The following SMARCAD1 variants were observed in gnomAD, a reference collection of about 807,000 sequenced individuals.
The protein encoded by SMARCAD1 is SNF2 related chromatin remodeling ATPase with DExD box 1.
In SMARCAD1, 25 loss-of-function variants were observed where a neutral mutation model predicts 127.1. That is an observed-to-expected ratio of 0.20 (90% CI 0.14 to 0.27). The LOEUF is 0.27. Among genes scored for constraint, SMARCAD1 ranks in the 10% least tolerant of loss-of-function variants. The pLI, the probability that SMARCAD1 is intolerant of heterozygous loss-of-function variation, is 1.00. For missense variants in SMARCAD1, 807 were observed against 1,206.0 expected (o/e 0.67, Z 4.90); for synonymous variants, 400 against 396.9 (o/e 1.01, Z -0.09).
At chr4:94,254,463 A>G (rs925651761) in intron 9 of SMARCAD1, among the ~76,000 whole-genome samples, 1 of 152,156 alleles carries the variant, frequency 6.6e-6, no homozygotes, top group Non-Finnish European at 1.5e-5. Flanking sequence ...AGTAAAAGTA[A>G]ATTATACAAT....
In SMARCAD1 at chr4:94,290,219, T is replaced by C; in HGVS notation, c.*685T>C. 1 of 454,496 alleles carries C rather than the reference T, an allele frequency of 2.2e-6. No individual in the cohort carries two copies. The highest frequency in any genetic ancestry group is 4.4e-6 in the Non-Finnish European group (1 of 226,762). The allele number at this position is 454,496 out of a possible 1,614,324, so 28.2% of individuals were successfully genotyped here. Reference sequence around the variant, plus strand: ...GCCCCTACCTTGCTCCATGGATTAATTCCTTCTGTTCATTTTCCAACTGCA... The same window carrying C: ...GCCCCTACCTTGCTCCATGGATTAACTCCTTCTGTTCATTTTCCAACTGCA... On this transcript the variant is annotated 3_prime_UTR_variant, in exon 24 of 24. Coordinates refer to ENST00000354268, the MANE Select transcript of SMARCAD1 (RefSeq NM_020159.5).
intron 14 of SMARCAD1, among the ~76,000 whole-genome samples, chr4:94,275,950 AC>A (rs1293374143): frequency 6.6e-6 from 1 of 151,326 alleles, no homozygotes; most frequent in Non-Finnish European, 1.5e-5. Context: ...GGCGCCCACC[AC>A]CACACCCGGC....
intron 10 of SMARCAD1, among the ~76,000 whole-genome samples, chr4:94,267,030 A>T (rs1169230919): frequency 6.6e-6 from 1 of 152,036 alleles, no homozygotes; most frequent in African/African-American, 2.4e-5. Context: ...CTTACTATAG[A>T]TGTAGCCATC....
At chr4:94,264,320 T>G (rs3113839) in intron 9 of SMARCAD1, among the ~76,000 whole-genome samples, 1 of 151,926 alleles carries the variant, frequency 6.6e-6, no homozygotes, top group African/African-American at 2.4e-5. Flanking sequence ...TTGATACTAT[T>G]ACCTTTGGTA....
At chr4:94,215,632 T>C (rs905745129) in intron 2 of SMARCAD1, among the ~76,000 whole-genome samples, 1 of 35,692 alleles carries the variant, frequency 2.8e-5, no homozygotes, top group Admixed American at 3.0e-4. Context: ...AAAAGGGGGG[T>C]GGGGGGGAGG....
chr4:94,272,298 G>C (rs564539237), intron 11 of SMARCAD1, among the ~76,000 whole-genome samples: 1 of 152,304 alleles, frequency 6.6e-6, no homozygotes, highest in South Asian at 2.1e-4. Context: ...GTGGGAAGGA[G>C]GTGGACACAA....
chr4:94,269,561 AT>A (rs1446139652), intron 10 of SMARCAD1, among the ~76,000 whole-genome samples: 1 of 151,974 alleles, frequency 6.6e-6, no homozygotes, highest in African/African-American at 2.4e-5. Context: ...AAAGGGTTAA[AT>A]GAGGTGATGT....
intron 2 of SMARCAD1, among the ~76,000 whole-genome samples, chr4:94,216,153 T>G (rs1480459082): frequency 6.6e-6 from 1 of 152,104 alleles, no homozygotes; most frequent in Non-Finnish European, 1.5e-5. Flanking sequence ...TGGGCCTCTT[T>G]TATAAGGGCA....
chr4:94,262,041 C>T (rs560363200), intron 9 of SMARCAD1, among the ~76,000 whole-genome samples: 2 of 152,272 alleles, frequency 1.3e-5, no homozygotes, highest in African/African-American at 4.8e-5. Flanking sequence ...TGTTGGTGTT[C>T]TTCAAGGTTT....
chr4:94,237,118 T>A, intron 5 of SMARCAD1, 100 bp downstream of exon 5: 2 of 1,000,200 alleles, frequency 2.0e-6, no homozygotes, highest in Non-Finnish European at 3.1e-6. Flanking sequence ...AACACCTTTA[T>A]GAATTCTTAC....
At chr4:94,259,588 C>A (rs1191882275) in intron 9 of SMARCAD1, among the ~76,000 whole-genome samples, 1 of 152,042 alleles carries the variant, frequency 6.6e-6, no homozygotes, top group Non-Finnish European at 1.5e-5. Context: ...AAGTGAAGTT[C>A]AGTTAAAAAT....
chr4:94,232,795 G>T (rs1354186499), intron 3 of SMARCAD1, among the ~76,000 whole-genome samples: 1 of 151,270 alleles, frequency 6.6e-6, no homozygotes, highest in African/African-American at 2.4e-5. Flanking sequence ...AAATCTCCTG[G>T]GAAACATGGC....
intron 3 of SMARCAD1, among the ~76,000 whole-genome samples, chr4:94,232,774 G>A (rs969973619): frequency 1.7e-4 from 26 of 152,208 alleles, no homozygotes; most frequent in African/African-American, 6.0e-4. Context: ...CAGAAACTCT[G>A]GCAGTAGATA....
chr4:94,223,118 C>A (rs922586933), intron 2 of SMARCAD1, among the ~76,000 whole-genome samples: 5 of 152,058 alleles, frequency 3.3e-5, no homozygotes, highest in Non-Finnish European at 5.9e-5. Flanking sequence ...TTTAGACCCC[C>A]CTACAGGTGA....
chr4:94,282,859 A>C (rs1470175176), intron 21 of SMARCAD1, among the ~76,000 whole-genome samples: 2 of 152,196 alleles, frequency 1.3e-5, no homozygotes, highest in African/African-American at 4.8e-5. Context: ...AAGTTTAAAA[A>C]GGACAAAATA....
At chr4:94,230,239 T>C (rs944795586) in intron 3 of SMARCAD1, among the ~76,000 whole-genome samples, 1 of 151,612 alleles carries the variant, frequency 6.6e-6, no homozygotes, top group African/African-American at 2.4e-5. Flanking sequence ...CATTCAAACC[T>C]TAGAACTAAC....
Position 94,289,680 on chromosome 4 carries a change from T to G in SMARCAD1, c.*146T>G, listed in dbSNP as rs1755443449. On this transcript the variant is annotated 3_prime_UTR_variant, in exon 24 of 24. Transcript: ENST00000354268. ...CATTTCTCATAGTATGGACAACTTT[T>G]TGCCACTAACTGAATTCTCCAAATA... is the stretch of plus-strand genomic sequence containing the variant. 1 of 824,336 alleles carries G rather than the reference T, an allele frequency of 1.2e-6. No individual in the cohort carries two copies. Among genetic ancestry groups the G allele is most frequent in the Non-Finnish European group, 2.1e-6 (1 of 475,156 alleles). 51.1% of individuals were successfully genotyped at this position (824,336 alleles called of 1,614,324 possible). A position where few individuals can be genotyped will look rare whatever the true frequency, so the allele number is the denominator to read the frequency against.
rs368658261 is a variant in SMARCAD1 at position 94,279,302 on chromosome 4, A to G, written c.2418+252A>G. Among the ~76,000 whole-genome samples the G allele has an allele frequency of 1.2e-3, 187 of 152,150 alleles. 7 individuals carry two copies. In the South Asian group the frequency reaches 0.026, roughly 21 times the overall value. On this transcript the variant is annotated intron_variant, in intron 19 of 23. Coordinates refer to ENST00000354268, the MANE Select transcript of SMARCAD1 (RefSeq NM_020159.5). ...GCTGGGACTACAGGCACGCACCACC[A>G]TGCCCGGCTAATTTTTTTGTACGGA...
intron 9 of SMARCAD1, among the ~76,000 whole-genome samples, chr4:94,264,147 T>C (rs981836294): frequency 8.5e-5 from 13 of 152,082 alleles, no homozygotes; most frequent in Non-Finnish European, 1.6e-4. Context: ...ATAGTCTGTT[T>C]AGAAGTAAAG....
Sources: allele counts gnomAD v4.1 joint callset (sites outside exome capture counted in the v4.1 genomes callset), GRCh38; gene constraint gnomAD v4.1.1; transcripts MANE v1.5; gene names NCBI Gene and HGNC (gene_info 2026-07-23, HGNC 2026-07-21).